The following PDE11A variants were observed in gnomAD, a reference collection of about 807,000 sequenced individuals.
PDE11A encodes phosphodiesterase 11A, also known as dual 3',5'-cyclic-AMP and -GMP phosphodiesterase 11A.
In PDE11A, 100 loss-of-function variants were observed where a neutral mutation model predicts 100.5. The observed-to-expected ratio is 1.00, with a 90% confidence interval of 0.85 to 1.18. The LOEUF is 1.18. PDE11A is among the 50% of genes most tolerant of loss of function. The probability of loss-of-function intolerance (pLI) is 0.00; values close to 1 mark genes in which losing one functional copy is unlikely to be tolerated. For missense variants in PDE11A, 1,141 were observed against 1,152.6 expected, an observed-to-expected ratio of 0.99 and a Z score of 0.15; for synonymous variants, 381 against 420.8, an observed-to-expected ratio of 0.91 and a Z score of 1.16.
chr2:178,048,053 C>G (rs1245987967), intron 1 of PDE11A, among the ~76,000 whole-genome samples: 2 of 152,162 alleles, frequency 1.3e-5, no homozygotes, highest in African/African-American at 4.8e-5. Flanking sequence ...CATGAACATT[C>G]TACGTGAGAA....
intron 2 of PDE11A, among the ~76,000 whole-genome samples, chr2:178,103,692 GAT>G (rs201713605): frequency 2.7e-5 from 4 of 150,396 alleles, no homozygotes; most frequent in African/African-American, 4.9e-5. Context: ...CAAAAAAGCT[GAT>G]ATATATATAT....
intron 19 of PDE11A, among the ~76,000 whole-genome samples, chr2:177,663,603 T>A (rs1021267672): frequency 5.3e-5 from 8 of 152,096 alleles, no homozygotes; most frequent in Non-Finnish European, 1.2e-4. Flanking sequence ...AATAAAATAT[T>A]AGTATCCCTG....
In PDE11A at chr2:177,787,651, G is replaced by A. The variant is rs1220734943; in HGVS notation, c.1738-18278C>T. Among the ~76,000 whole-genome samples, 9 of 149,454 alleles carry A rather than the reference G, an allele frequency of 6.0e-5. No homozygotes were observed. In the East Asian group the frequency reaches 6.1e-4, roughly 10 times the overall value. On this transcript the variant is annotated intron_variant, in intron 9 of 19. Transcript: ENST00000286063. ...GCTGTATTCAGGAAACCCATCTCAC[G>A]TGCAGAGACACACATAGGCTCAAAA... is the stretch of plus-strand genomic sequence containing the variant.
intron 2 of PDE11A, among the ~76,000 whole-genome samples, chr2:177,946,518 G>T (rs1385450230): frequency 1.8e-5 from 1 of 55,568 alleles, no homozygotes; most frequent in African/African-American, 9.0e-5. Flanking sequence ...GGGGGGGTCA[G>T]CCCCCCCGCC....
chr2:177,966,317 C>A (rs931736269), intron 2 of PDE11A, among the ~76,000 whole-genome samples: 1 of 152,032 alleles, frequency 6.6e-6, no homozygotes, highest in Non-Finnish European at 1.5e-5. Context: ...AATAGTTTGA[C>A]TTCCTCTCGT....
chr2:177,712,249 G>A (rs1485035885), intron 12 of PDE11A, among the ~76,000 whole-genome samples: 1 of 152,222 alleles, frequency 6.6e-6, no homozygotes, highest in South Asian at 2.1e-4. Flanking sequence ...GTTGGAGGTT[G>A]GGGAATAGGA....
intron 2 of PDE11A, among the ~76,000 whole-genome samples, chr2:177,949,727 C>T (rs2085484837): frequency 6.6e-6 from 1 of 152,156 alleles, no homozygotes; most frequent in South Asian, 2.1e-4. Context: ...CACTAAGGGC[C>T]TAACCTAGCC....
At chr2:177,629,610 G>A (rs2079887484) in intron 19 of PDE11A, 48 bp from the exon 20 acceptor site, 2 of 1,589,010 alleles carry the variant, frequency 1.3e-6, no homozygotes, top group Admixed American at 1.7e-5. Context: ...AGGAAACAGA[G>A]TAACTGACAT....
At chr2:177,819,198 C>T (rs2083094727) in intron 7 of PDE11A, among the ~76,000 whole-genome samples, 1 of 151,994 alleles carries the variant, frequency 6.6e-6, no homozygotes, top group Non-Finnish European at 1.5e-5. Flanking sequence ...GATCCCAAAC[C>T]TTAGAATATT....
At chr2:177,764,520 A>C (rs2082213351) in intron 10 of PDE11A, among the ~76,000 whole-genome samples, 1 of 152,226 alleles carries the variant, frequency 6.6e-6, no homozygotes, top group Non-Finnish European at 1.5e-5. Context: ...AAGTCCATAA[A>C]ATTACAGGAG....
intron 12 of PDE11A, among the ~76,000 whole-genome samples, chr2:177,721,081 T>G (rs894227529): frequency 6.6e-6 from 1 of 152,178 alleles, no homozygotes; most frequent in African/African-American, 2.4e-5. Flanking sequence ...TATTATATTC[T>G]ATTACATTTA....
intron 2 of PDE11A, among the ~76,000 whole-genome samples, chr2:177,918,980 A>C (rs2084995417): frequency 6.6e-6 from 1 of 152,216 alleles, no homozygotes; most frequent in East Asian, 1.9e-4. Flanking sequence ...TTTTTTGAAG[A>C]CACATTATTT....
intron 15 of PDE11A, 75 bp downstream of exon 15, chr2:177,697,257 C>A (rs145344540): frequency 0.02 from 15,977 of 794,628 alleles, 267 homozygotes; most frequent in South Asian, 0.032. Context: ...TAACAGGTAA[C>A]CTCCAGTGTA....
At chr2:177,760,398 A>C (rs1379725211) in intron 10 of PDE11A, among the ~76,000 whole-genome samples, 1 of 152,184 alleles carries the variant, frequency 6.6e-6, no homozygotes, top group Non-Finnish European at 1.5e-5. Flanking sequence ...ATTACCTTTC[A>C]AATATAATAT....
chr2:177,842,521 C>G (rs1448166800), intron 5 of PDE11A, among the ~76,000 whole-genome samples: 1 of 152,154 alleles, frequency 6.6e-6, no homozygotes, highest in African/African-American at 2.4e-5. Flanking sequence ...GTTGCTGAGA[C>G]CTTAGTTATA....
At chr2:178,105,513 A>T in intron 1 of PDE11A, 1 of 252,770 alleles carries the variant, frequency 4.0e-6, no homozygotes, top group Admixed American at 5.5e-5. Context: ...CATATAAAAT[A>T]AATTTTTTAC....
rs3073403 is a variant in PDE11A, at chr2:177,980,975, T to TACACACAC, written c.1071+33319_1071+33326dup. Among the ~76,000 whole-genome samples the TACACACAC allele has an allele frequency of 2.2e-3, 283 of 129,778 alleles. 7 individuals carry two copies. Among genetic ancestry groups the TACACACAC allele is most frequent in the Non-Finnish European group, 3.5e-3 (204 of 58,794 alleles). The allele number at this position is 129,778 out of a possible 152,430, so 85.1% of individuals were successfully genotyped here. On this transcript the variant is annotated intron_variant, in intron 2 of 19. Coordinates refer to ENST00000286063, the MANE Select transcript of PDE11A (RefSeq NM_016953.4). Reference sequence around the variant, plus strand: ...CGACCTTAAACCAGTGAGAACTAGATACACACACACACACACACACACACA... The same window carrying TACACACAC: ...CGACCTTAAACCAGTGAGAACTAGATACACACACACACACACACACACACACACACACA...
At chr2:177,879,490 A>T (rs991399920) in intron 4 of PDE11A, among the ~76,000 whole-genome samples, 2 of 152,232 alleles carry the variant, frequency 1.3e-5, no homozygotes, top group African/African-American at 4.8e-5. Context: ...ATGGAATTAC[A>T]AATGTGAAAG....
chr2:178,019,466 C>T (rs1365690273), intron 1 of PDE11A, among the ~76,000 whole-genome samples: 1 of 151,832 alleles, frequency 6.6e-6, no homozygotes, highest in Non-Finnish European at 1.5e-5. Context: ...AAAATATATT[C>T]TATGAAATAA....
Sources: gnomAD v4.1 joint callset for allele counts (sites outside exome capture counted in the v4.1 genomes callset) on GRCh38, gnomAD v4.1.1 for gene constraint, MANE v1.5 for transcripts, NCBI Gene and HGNC (gene_info 2026-07-23, HGNC 2026-07-21) for gene names.